RORA: variants seen among roughly 807,000 people sequenced by gnomAD.
RORA encodes RAR related orphan receptor A.
In RORA, 7 loss-of-function variants were observed where a neutral mutation model predicts 69.5. The observed-to-expected ratio is 0.10, with a 90% CI of 0.06 to 0.19. The LOEUF (loss-of-function observed/expected upper bound fraction) is 0.19. RORA is among the 10% of genes least tolerant of loss of function. The probability of loss-of-function intolerance (pLI) is 1.00; values close to 1 mark genes in which losing one functional copy is unlikely to be tolerated. For synonymous variants in RORA, 261 were observed against 240.8 expected, an observed-to-expected ratio of 1.08 and a Z score of -0.78; for missense variants, 457 against 663.0, an observed-to-expected ratio of 0.69 and a Z score of 3.41.
intron 1 of RORA, among the ~76,000 whole-genome samples, chr15:60,834,256 CCTTACTCTCATGTTTTCATT>C (rs2073085315): frequency 6.6e-6 from 1 of 152,204 alleles, no homozygotes; most frequent in Admixed American, 6.5e-5. Context: ...CAACCTTGAA[CCTTACTCTCATGTTTTCATT>C]TCTGAGTGGT....
chr15:61,016,724 G>A (rs999700063), intron 1 of RORA, among the ~76,000 whole-genome samples: 1 of 152,146 alleles, frequency 6.6e-6, no homozygotes, highest in Non-Finnish European at 1.5e-5. Context: ...AAGAATAGCT[G>A]AATGTGGTGA....
At chr15:60,673,144 A>G (rs1172541923) in intron 2 of RORA, among the ~76,000 whole-genome samples, 2 of 152,194 alleles carry the variant, frequency 1.3e-5, no homozygotes, top group African/African-American at 4.8e-5. Context: ...TCCAAATGCA[A>G]TTCATGAACC....
chr15:60,763,007 A>T (rs2071917971), intron 1 of RORA, among the ~76,000 whole-genome samples: 2 of 151,612 alleles, frequency 1.3e-5, no homozygotes, highest in Admixed American at 1.3e-4. Flanking sequence ...TCAGGGAAAA[A>T]ATAACAGGGA....
At chr15:60,850,445 C>T (rs746079170) in intron 1 of RORA, among the ~76,000 whole-genome samples, 1 of 152,134 alleles carries the variant, frequency 6.6e-6, no homozygotes, top group African/African-American at 2.4e-5. Context: ...CCTGACTCCA[C>T]ATGACTCCTG....
intron 1 of RORA, among the ~76,000 whole-genome samples, chr15:60,748,084 G>T (rs1013614086): frequency 2.0e-5 from 3 of 152,156 alleles, no homozygotes; most frequent in African/African-American, 7.2e-5. Context: ...TGGCATAAAT[G>T]AACCTCTGGG....
intron 1 of RORA, among the ~76,000 whole-genome samples, chr15:61,005,997 T>A (rs1894901935): frequency 6.6e-6 from 1 of 151,996 alleles, no homozygotes; most frequent in Non-Finnish European, 1.5e-5. Flanking sequence ...TGAGAAGGAG[T>A]CTCGCTCTGT....
In RORA at chr15:60,799,540, ATATT is replaced by A. The variant is rs1323557208; in HGVS notation, c.167-120858_167-120855del. 2.0e-5 allele frequency among the ~76,000 whole-genome samples: 3 copies of A among 152,134 alleles called. No homozygotes were observed. The East Asian group carries it at 5.8e-4, about 29-fold the overall frequency. On this transcript the variant is annotated intron_variant, in intron 1 of 10. Coordinates refer to ENST00000335670, the MANE Select transcript of RORA (RefSeq NM_134261.3). ...CAATAGCTCCTCTTCTGATCGATTCATATTTATTTATTTAATTAATTTATAAACT... is the reference window on the plus strand; with the variant it reads ...CAATAGCTCCTCTTCTGATCGATTCATATTTATTTAATTAATTTATAAACT...
intron 1 of RORA, among the ~76,000 whole-genome samples, chr15:60,936,258 T>TA (rs1892519748): frequency 6.6e-6 from 1 of 152,240 alleles, no homozygotes; most frequent in South Asian, 2.1e-4. Context: ...CCTTGCTCCT[T>TA]ACAGTCTTCT....
At chr15:60,544,443 T>C (rs1161199213) in intron 2 of RORA, among the ~76,000 whole-genome samples, 8 of 152,238 alleles carry the variant, frequency 5.3e-5, no homozygotes. Flanking sequence ...AACACCGTTT[T>C]TATACACCGA....
chr15:60,670,948 T>G (rs1055207164), intron 2 of RORA, among the ~76,000 whole-genome samples: 3 of 151,914 alleles, frequency 2.0e-5, no homozygotes, highest in Admixed American at 6.5e-5. Flanking sequence ...TTCCTCTGCG[T>G]ACAGATTGCA....
At chr15:60,682,997 G>T (rs1303566106) in intron 1 of RORA, among the ~76,000 whole-genome samples, 1 of 152,184 alleles carries the variant, frequency 6.6e-6, no homozygotes, top group African/African-American at 2.4e-5. Flanking sequence ...CTTATATGCA[G>T]AATGAGGTAG....
chr15:60,588,277 C>T (rs563732728), intron 2 of RORA, among the ~76,000 whole-genome samples: 1 of 152,220 alleles, frequency 6.6e-6, no homozygotes, highest in African/African-American at 2.4e-5. Flanking sequence ...TAAAGGCAGC[C>T]TTGATTTCTT....
rs965085724 is a variant in RORA at position 61,131,787 on chromosome 15, G to C, written c.166+97266C>G. ...TGGGGAAGGAGTAGGGCAGGAGTGA[G>C]AAAAATGAAACTGGACTCCAGTTCT... On this transcript the variant is annotated intron_variant, in intron 1 of 10. Coordinates refer to ENST00000335670, the MANE Select transcript of RORA (RefSeq NM_134261.3). The surrounding 1 kb of genome is among the most constrained non-coding windows in gnomAD (Gnocchi z 4.2). Among the ~76,000 whole-genome samples the C allele has an allele frequency of 1.3e-5, 2 of 152,224 alleles. No homozygotes were observed. Among genetic ancestry groups the C allele is most frequent in the African/African-American group, 4.8e-5 (2 of 41,470 alleles).
intron 1 of RORA, among the ~76,000 whole-genome samples, chr15:61,156,544 A>G (rs1218543200): frequency 6.6e-6 from 1 of 152,194 alleles, no homozygotes; most frequent in Admixed American, 6.5e-5. Flanking sequence ...AGAACAGCCC[A>G]GCAGGAATCT....
intron 1 of RORA, among the ~76,000 whole-genome samples, chr15:60,804,662 T>C (rs562330468): frequency 5.3e-5 from 8 of 152,364 alleles, no homozygotes; most frequent in South Asian, 2.1e-4. Flanking sequence ...ACTACAAATA[T>C]TTTTGAATTT....
intron 1 of RORA, among the ~76,000 whole-genome samples, chr15:60,980,133 G>A (rs1894000511): frequency 6.6e-6 from 1 of 152,092 alleles, no homozygotes; most frequent in African/African-American, 2.4e-5. Context: ...CTATTGAGAT[G>A]ATCACATGGG....
chr15:61,095,232 G>A (rs2078771637), intron 1 of RORA, among the ~76,000 whole-genome samples: 1 of 152,122 alleles, frequency 6.6e-6, no homozygotes, highest in Non-Finnish European at 1.5e-5. Flanking sequence ...TCAGGTGGGC[G>A]GCTGCTGCAA....
At chr15:60,949,041 T>C (rs992982238) in intron 1 of RORA, among the ~76,000 whole-genome samples, 1 of 152,202 alleles carries the variant, frequency 6.6e-6, no homozygotes, top group Non-Finnish European at 1.5e-5. Context: ...ATGAGCTTTC[T>C]TCCTAAGGTG....
At chr15:60,994,268 T>C (rs1269938057) in intron 1 of RORA, among the ~76,000 whole-genome samples, 1 of 152,216 alleles carries the variant, frequency 6.6e-6, no homozygotes, top group Non-Finnish European at 1.5e-5. Flanking sequence ...GCCCTCATAA[T>C]TTCTTCTTTA....
Sources: allele counts gnomAD v4.1 joint callset (sites outside exome capture counted in the v4.1 genomes callset), GRCh38; gene constraint gnomAD v4.1.1; non-coding constraint Gnocchi (gnomAD v3.1); transcripts MANE v1.5; gene names NCBI Gene and HGNC (gene_info 2026-07-23, HGNC 2026-07-21).